MSI2: variants seen among roughly 807,000 people sequenced by gnomAD.
The protein encoded by MSI2 is RNA-binding protein Musashi homolog 2.
Under a neutral mutation model 45.6 loss-of-function variants are expected in MSI2, and 17 were observed. The observed-to-expected ratio is 0.37, with a 90% CI of 0.26 to 0.56. The LOEUF is 0.56. Among genes scored for constraint, MSI2 ranks in the 20% least tolerant of loss-of-function variants. MSI2 has a pLI of 0.77. For synonymous variants in MSI2, 156 were observed against 158.2 expected, an observed-to-expected ratio of 0.99 and a Z score of 0.11; for missense variants, 293 against 444.2, an observed-to-expected ratio of 0.66 and a Z score of 3.06.
chr17:57,409,982 C>T (rs929215231), intron 6 of MSI2, among the ~76,000 whole-genome samples: 15 of 112,366 alleles, frequency 1.3e-4, no homozygotes, highest in Non-Finnish European at 2.3e-4. Flanking sequence ...CACTCTAGCC[C>T]GGGTGACAGT....
downstream of MSI2, among the ~76,000 whole-genome samples, chr17:57,687,991 G>C (rs190944081): frequency 5.9e-5 from 9 of 152,184 alleles, no homozygotes; most frequent in East Asian, 1.2e-3. Flanking sequence ...TGCTGATAAA[G>C]TATTTGAAAA....
In MSI2 at chr17:57,627,239, C is replaced by T. The variant is rs199974288; in HGVS notation, c.663C>T (p.Asn221=). 26 of 1,614,206 alleles carry T rather than the reference C, an allele frequency of 1.6e-5. 1 individual carries two copies. The highest frequency in any genetic ancestry group is 8.8e-5 in the South Asian group (8 of 91,084). The change falls in exon 10 of 14, where the codon AAC becomes AAT. Residue 221 remains asparagine, a synonymous_variant. Coordinates refer to ENST00000284073, the MANE Select transcript of MSI2 (RefSeq NM_138962.4). The surrounding 1 kb of genome is among the most constrained non-coding windows in gnomAD (Gnocchi z 4.6). The stretch of plus-strand genomic sequence containing the variant: ...CTCTTTGTGTTCAAGGATATCCCAA[C>T]TTCGTGGCGACCTATGGCCGTGGCT... ...MLGMGMLGYP[N]FVATYGRGYP...
intron 5 of MSI2, among the ~76,000 whole-genome samples, chr17:57,287,843 A>G (rs1910063117): frequency 1.3e-5 from 2 of 152,304 alleles, no homozygotes; most frequent in African/African-American, 4.8e-5. Context: ...AGTGCAAGGA[A>G]TGCACTGGGC....
intron 5 of MSI2, among the ~76,000 whole-genome samples, chr17:57,352,841 C>G (rs889251530): frequency 2.6e-5 from 4 of 152,212 alleles, no homozygotes; most frequent in Non-Finnish European, 5.9e-5. Context: ...AGGGCTCCTC[C>G]TAGCCTCCTC....
chr17:57,483,480 G>C (rs115338936), intron 6 of MSI2, among the ~76,000 whole-genome samples: 3,999 of 152,198 alleles, frequency 0.026, 163 homozygotes, highest in African/African-American at 0.091. Flanking sequence ...ATACGTTTTC[G>C]AGTGATGCTG....
At chr17:57,423,691 G>A in intron 6 of MSI2, among the ~76,000 whole-genome samples, 1 of 152,140 alleles carries the variant, frequency 6.6e-6, no homozygotes, top group Admixed American at 6.5e-5. Context: ...CCTCAGCACA[G>A]ATCTCTCATG....
chr17:57,547,789 C>CACACACACACACACACACACAT (rs1555621979), intron 7 of MSI2, among the ~76,000 whole-genome samples: 7 of 145,200 alleles, frequency 4.8e-5, no homozygotes, highest in South Asian at 2.2e-4. Context: ...CACACACACA[C>CACACACACACACACACACACAT]GTCTCTGGAG....
intron 6 of MSI2, among the ~76,000 whole-genome samples, chr17:57,414,998 C>T (rs1335850222): frequency 6.6e-6 from 1 of 152,174 alleles, no homozygotes; most frequent in Non-Finnish European, 1.5e-5. Context: ...CTCTCCTTCT[C>T]TTCTTTCTGT....
At chr17:57,645,440 G>T (rs1262153785) in intron 10 of MSI2, among the ~76,000 whole-genome samples, 1 of 151,078 alleles carries the variant, frequency 6.6e-6, no homozygotes, top group Non-Finnish European at 1.5e-5. Flanking sequence ...TTTGTTTTTT[G>T]GTTTTTTTTT....
At chr17:57,400,895 C>A (rs867291695) in intron 5 of MSI2, among the ~76,000 whole-genome samples, 9 of 152,082 alleles carry the variant, frequency 5.9e-5, no homozygotes, top group Non-Finnish European at 1.2e-4. Flanking sequence ...GCGAGGTCAG[C>A]GTCTGTGTTG....
chr17:57,457,266 C>G (rs536087605), intron 6 of MSI2, among the ~76,000 whole-genome samples: 71 of 152,296 alleles, frequency 4.7e-4, no homozygotes, highest in Middle Eastern at 3.4e-3. Flanking sequence ...GAATTGGACT[C>G]TAGATGGAGG....
At chr17:57,474,501 A>G (rs1354588917) in intron 6 of MSI2, among the ~76,000 whole-genome samples, 3 of 151,956 alleles carry the variant, frequency 2.0e-5, no homozygotes, top group African/African-American at 7.3e-5. Flanking sequence ...TCTGGCCTTT[A>G]CTCACTACCT....
At chr17:57,700,995 T>C in the MSI2 span, among the ~76,000 whole-genome samples, 2 of 152,168 alleles carry the variant, frequency 1.3e-5, no homozygotes, top group East Asian at 3.9e-4. Flanking sequence ...TTGAGCAGAT[T>C]TGGAGTGAAG....
chr17:57,445,244 C>T (rs965147809), intron 6 of MSI2, among the ~76,000 whole-genome samples: 4 of 152,056 alleles, frequency 2.6e-5, no homozygotes, highest in East Asian at 1.9e-4. Context: ...GTCACCAAGC[C>T]GCGTGTTTGT....
chr17:57,330,436 C>T (rs372555194), intron 5 of MSI2, among the ~76,000 whole-genome samples: 2 of 151,754 alleles, frequency 1.3e-5, no homozygotes, highest in Non-Finnish European at 2.9e-5. Context: ...AGGTGCTTGC[C>T]GCCGGCTAAT....
rs189571363 is a variant in MSI2 at position 57,659,079 on chromosome 17, G to T, written c.790+6918G>T. Among the ~76,000 whole-genome samples the T allele has an allele frequency of 8.0e-4, 121 of 151,762 alleles. 1 individual carries two copies. The highest frequency in any genetic ancestry group is 1.2e-3 in the Non-Finnish European group (83 of 67,908). On this transcript the variant is annotated intron_variant, in intron 11 of 13. Transcript: ENST00000284073. Reference sequence around the variant, plus strand: ...TATTTGGTTGGTTGGTTGGTTGGTTGGTTTGTTGTTGTTGTTTTGAGACAG... The same window carrying T: ...TATTTGGTTGGTTGGTTGGTTGGTTTGTTTGTTGTTGTTGTTTTGAGACAG...
intron 10 of MSI2, among the ~76,000 whole-genome samples, chr17:57,639,601 C>T (rs1341810618): frequency 6.6e-6 from 1 of 152,246 alleles, no homozygotes; most frequent in Non-Finnish European, 1.5e-5. Flanking sequence ...GGCTGGCTGC[C>T]TTTGAGGTGG....
intron 6 of MSI2, among the ~76,000 whole-genome samples, chr17:57,444,999 AT>A (rs1472232197): frequency 6.6e-6 from 1 of 152,154 alleles, no homozygotes; most frequent in African/African-American, 2.4e-5. Flanking sequence ...ACAATGCTGA[AT>A]TTTTAAAAAG....
chr17:57,525,600 T>G (rs1444191989), intron 6 of MSI2, among the ~76,000 whole-genome samples: 1 of 152,204 alleles, frequency 6.6e-6, no homozygotes, highest in Non-Finnish European at 1.5e-5. Flanking sequence ...ATTTTGCTTT[T>G]TCATTCACAA....
Sources: gnomAD v4.1 joint callset for allele counts (sites outside exome capture counted in the v4.1 genomes callset) on GRCh38, gnomAD v4.1.1 for gene constraint, Gnocchi (gnomAD v3.1) non-coding constraint, MANE v1.5 for transcripts, NCBI Gene and HGNC (gene_info 2026-07-23, HGNC 2026-07-21) for gene names.